The following AKAP12 variants were observed in gnomAD, a reference collection of about 807,000 sequenced individuals.
AKAP12 encodes A-kinase anchor protein 12.
Under a neutral mutation model 79.9 loss-of-function variants are expected in AKAP12, and 32 were observed. That is an observed-to-expected ratio of 0.40 (90% confidence interval 0.30 to 0.54). The LOEUF is 0.54. Among genes scored for constraint, AKAP12 ranks in the 20% least tolerant of loss-of-function variants. AKAP12 has a pLI of 0.48. For missense variants in AKAP12, 2,074 were observed against 2,177.0 expected (o/e 0.95, Z 0.94); for synonymous variants, 808 against 857.0 (o/e 0.94, Z 1.00).
intron 3 of AKAP12, chr6:151,324,353 G>C: frequency 1.0e-6 from 1 of 985,404 alleles, no homozygotes; most frequent in Non-Finnish European, 1.2e-6. Flanking sequence ...AACAAGGTCT[G>C]GTTACCAGCA....
chr6:151,278,888 C>G (rs962956197), intron 2 of AKAP12, among the ~76,000 whole-genome samples: 4 of 151,604 alleles, frequency 2.6e-5, no homozygotes, highest in African/African-American at 4.8e-5. Context: ...AGGATGGTCT[C>G]GATCTCCTGA....
At chr6:151,277,503 T>G (rs1053740178) in intron 2 of AKAP12, among the ~76,000 whole-genome samples, 3 of 152,242 alleles carry the variant, frequency 2.0e-5, no homozygotes, top group Non-Finnish European at 4.4e-5. Flanking sequence ...TGAAATAATT[T>G]GAAACAATAC....
chr6:151,353,605 G>C lies in AKAP12; in HGVS notation c.5214G>C (p.Lys1738Asn). Reference sequence around the variant, plus strand: ...CAAATGGACCAAAACAAAAAGAGAAGGAGGATGCCCAGGAAGTAGAATTGC... The same window carrying C: ...CAAATGGACCAAAACAAAAAGAGAACGAGGATGCCCAGGAAGTAGAATTGC... ...PDTNGPKQKEKEDAQEVELQE... is the reference protein window; with the variant it reads ...PDTNGPKQKENEDAQEVELQE... Residue 1738 changes from lysine to asparagine, a missense_variant, in exon 4 of 5, where the codon AAG becomes AAC. Lys to Asn is a moderately conservative substitution (Grantham distance 94). Around this residue, in one of 3 missense-constraint regions of AKAP12, gnomAD observed 614 missense variants for 665.6 expected, o/e 0.92. Coordinates refer to ENST00000402676, the MANE Select transcript of AKAP12 (RefSeq NM_005100.4). The C allele has an allele frequency of 1.2e-6, 2 of 1,614,100 alleles. No individual in the cohort carries two copies. The highest frequency in any genetic ancestry group is 1.7e-6 in the Non-Finnish European group (2 of 1,180,006).
At position 151,349,243 on chromosome 6, in the gene AKAP12, G is replaced by A. The variant is rs145689161; in HGVS notation, c.852G>A (p.Pro284=). The A allele has an allele frequency of 6.3e-5, 102 of 1,613,704 alleles. No individual in the cohort carries two copies. The African/African-American group carries it at 1.1e-3, about 17-fold the overall frequency. ...AACCTAGCAAGTCTGCAGAATCTCC[G>A]ACTAGTCCCGTGACCAGTGAAACAG... The part of the protein sequence containing the change: ...EKEPSKSAES[P]TSPVTSETGS... The change falls in exon 4 of 5, where the codon CCG becomes CCA. Residue 284 remains proline (P), a synonymous_variant. Coordinates refer to ENST00000402676, the MANE Select transcript of AKAP12 (RefSeq NM_005100.4).
chr6:151,279,728 T>A (rs1776359218), intron 2 of AKAP12, among the ~76,000 whole-genome samples: 1 of 151,866 alleles, frequency 6.6e-6, no homozygotes, highest in South Asian at 2.1e-4. Flanking sequence ...CCTGTAGTCC[T>A]AGCTACTGGG....
At chr6:151,276,582 G>T (rs1776294750) in intron 2 of AKAP12, among the ~76,000 whole-genome samples, 1 of 152,248 alleles carries the variant, frequency 6.6e-6, no homozygotes, top group Non-Finnish European at 1.5e-5. Flanking sequence ...GTGCTGACCA[G>T]CCTTGCAGTC....
At chr6:151,346,407 C>T (rs1778104044) in intron 3 of AKAP12, among the ~76,000 whole-genome samples, 1 of 152,226 alleles carries the variant, frequency 6.6e-6, no homozygotes, top group African/African-American at 2.4e-5. Flanking sequence ...TGCAGACAAT[C>T]CTTTTGTGTT....
intron 3 of AKAP12, among the ~76,000 whole-genome samples, chr6:151,332,044 T>TTG (rs1562743301): frequency 4.8e-5 from 7 of 144,336 alleles, no homozygotes; most frequent in African/African-American, 1.6e-4. Flanking sequence ...TTTTTTTTTT[T>TTG]TTTTTTTTTT....
At chr6:151,334,467 T>C (rs1006490739) in intron 3 of AKAP12, among the ~76,000 whole-genome samples, 10 of 151,706 alleles carry the variant, frequency 6.6e-5, no homozygotes, top group Non-Finnish European at 1.3e-4. Flanking sequence ...TGGTGGTGAG[T>C]GCCTGTAGTC....
rs148562828 is a variant in AKAP12, at chr6:151,351,876, C to T, written c.3485C>T (p.Ser1162Leu). Residue 1162 changes from serine (S) to leucine (L), a missense_variant, in exon 4 of 5, where the codon TCG becomes TTG. Physicochemically the swap from Ser to Leu is moderately radical, Grantham distance 145. This residue lies in a region of AKAP12 where 1,428 missense variants were observed against 1,451.0 expected (regional missense o/e 0.98). Transcript: ENST00000402676. This position sits in a 1 kb window ranked among gnomAD's most constrained non-coding sequence, Gnocchi z 4.4. The stretch of plus-strand genomic sequence containing the variant: ...ATGGAACAGGCTATCCCCCCTGACT[C>T]GGTGGAAACCCCTACAGACAGTGAG... ...MVMEQAIPPD[S>L]VETPTDSETD... is the part of the protein sequence containing the mutation. 132 of 1,614,032 alleles carry T rather than the reference C, an allele frequency of 8.2e-5. No individual in the cohort carries two copies. The highest frequency in any genetic ancestry group is 1.1e-4 in the Non-Finnish European group (126 of 1,180,010).
chr6:151,251,625 A>G (rs1582832868), intron 2 of AKAP12, among the ~76,000 whole-genome samples: 1 of 152,370 alleles, frequency 6.6e-6, no homozygotes, highest in East Asian at 1.9e-4. Flanking sequence ...GTAACAAACC[A>G]TGCCAAAAAA....
At position 151,353,727 on chromosome 6, in the gene AKAP12, T is replaced by C. The variant is rs1314517974; in HGVS notation, c.5336T>C (p.Leu1779Pro). 1.9e-6 allele frequency: 3 copies of C among 1,585,068 alleles called. No individual in the cohort carries two copies. The highest frequency in any genetic ancestry group is 3.7e-5 in the Admixed American group (2 of 53,374). Residue 1779 changes from leucine to proline, a missense_variant, in exon 4 of 5, where the codon CTT becomes CCT. Transcript: ENST00000402676. The part of the protein sequence containing the change: ...KQERESAKSE[L>P]TES ...GAGAGAGAATCTGCAAAGTCAGAACTTACAGAATCTTAAAACATCATGCAG... is the reference window on the plus strand; with the variant it reads ...GAGAGAGAATCTGCAAAGTCAGAACCTACAGAATCTTAAAACATCATGCAG...
Position 151,356,338 on chromosome 6 carries a change from C to T in AKAP12, c.*624C>T, listed in dbSNP as rs1156276005. On this transcript the variant is annotated 3_prime_UTR_variant, in exon 5 of 5. Transcript: ENST00000402676. ...TCTGAAATTGGTCACTTTCCTATTA[C>T]ACGGAGTGTGCTAAAACTAAAAAGC... 1 of 152,612 alleles carries T rather than the reference C, an allele frequency of 6.6e-6. No individual in the cohort carries two copies. The highest frequency in any genetic ancestry group is 2.4e-5 in the African/African-American group (1 of 41,450). 9.5% of individuals were successfully genotyped at this position (152,612 alleles called of 1,614,324 possible).
intron 3 of AKAP12, among the ~76,000 whole-genome samples, chr6:151,332,033 GT>G (rs71014573): frequency 0.041 from 3,261 of 79,584 alleles, 28 homozygotes; most frequent in East Asian, 0.16. Flanking sequence ...TTCTGGGTCT[GT>G]TTTTTTTTTT....
At chr6:151,315,228 A>G (rs1777209223) in intron 3 of AKAP12, among the ~76,000 whole-genome samples, 1 of 152,222 alleles carries the variant, frequency 6.6e-6, no homozygotes, top group African/African-American at 2.4e-5. Context: ...ATTTATAAGC[A>G]ACAGAAATTT....
rs1172753018 is a variant in AKAP12, at chr6:151,304,372, C to T, written c.163-1375C>T. On this transcript the variant is annotated intron_variant, in intron 2 of 4. Transcript: ENST00000402676. ...GGCATGGTGGTGCACGCCTGTAATC[C>T]CTGCTATGTGGGAGGCTGAGGCAGG... Among the ~76,000 whole-genome samples, 3 of 150,334 alleles carry T rather than the reference C, an allele frequency of 2.0e-5. No homozygotes were observed. The East Asian group carries it at 6.0e-4, about 30-fold the overall frequency.
chr6:151,256,595 A>AT, intron 2 of AKAP12, among the ~76,000 whole-genome samples: 1 of 152,004 alleles, frequency 6.6e-6, no homozygotes, highest in East Asian at 1.9e-4. Flanking sequence ...AGATGATTGT[A>AT]TTTTTTATAT....
intron 2 of AKAP12, among the ~76,000 whole-genome samples, chr6:151,245,372 T>C (rs371747932): frequency 6.6e-6 from 1 of 151,758 alleles, no homozygotes; most frequent in African/African-American, 2.4e-5. Flanking sequence ...TTTGGCTCAC[T>C]GCAACCTTTG....
chr6:151,302,559 T>C (rs1403726625), intron 2 of AKAP12, among the ~76,000 whole-genome samples: 1 of 151,846 alleles, frequency 6.6e-6, no homozygotes, highest in African/African-American at 2.4e-5. Flanking sequence ...TACCTTGGAT[T>C]GGGCAATTCA....
Sources: allele counts gnomAD v4.1 joint callset (sites outside exome capture counted in the v4.1 genomes callset), GRCh38; gene constraint gnomAD v4.1.1; regional missense constraint gnomAD v4.1.1; non-coding constraint Gnocchi (gnomAD v3.1); transcripts MANE v1.5; gene names NCBI Gene and HGNC (gene_info 2026-07-23, HGNC 2026-07-21).